TRHDE: variants seen among roughly 807,000 people sequenced by gnomAD.
TRHDE encodes thyrotropin-releasing hormone-degrading ectoenzyme.
A neutral mutation model predicts 125.7 loss-of-function variants in TRHDE; 72 were observed. The ratio of observed to expected loss-of-function variants is 0.57; its 90% CI spans 0.47 to 0.70. The LOEUF is 0.70. Among genes scored for constraint, TRHDE ranks in the 30% least tolerant of loss-of-function variants. The pLI, the probability that TRHDE is intolerant of heterozygous loss-of-function variation, is 0.00. For missense variants in TRHDE, 1,110 were observed against 1,327.1 expected, an observed-to-expected ratio of 0.84 and a Z score of 2.54; for synonymous variants, 509 against 509.1, an observed-to-expected ratio of 1.00 and a Z score of 0.00.
chr12:72,555,400 A>G (rs1341574227), intron 7 of TRHDE, among the ~76,000 whole-genome samples: 1 of 152,062 alleles, frequency 6.6e-6, no homozygotes, highest in Admixed American at 6.6e-5. Flanking sequence ...CTATACCTCA[A>G]AAAGTTTAGT....
chr12:72,378,432 T>A (rs1321061557), intron 3 of TRHDE, among the ~76,000 whole-genome samples: 2 of 152,108 alleles, frequency 1.3e-5, no homozygotes, highest in Non-Finnish European at 2.9e-5. Flanking sequence ...ATTTAATCAG[T>A]AAAACTACCA....
intron 15 of TRHDE, among the ~76,000 whole-genome samples, chr12:72,626,470 C>T (rs954858472): frequency 6.6e-6 from 1 of 151,866 alleles, no homozygotes; most frequent in Non-Finnish European, 1.5e-5. Flanking sequence ...AATGCTCAAT[C>T]TACCCTCTAT....
At chr12:72,637,372 C>T (rs956035349) in intron 15 of TRHDE, among the ~76,000 whole-genome samples, 5 of 152,236 alleles carry the variant, frequency 3.3e-5, no homozygotes, top group African/African-American at 1.2e-4. Context: ...TCTTTTATTG[C>T]ATCTATTTGA....
chr12:72,551,540 C>G (rs964184131), intron 7 of TRHDE, among the ~76,000 whole-genome samples: 11 of 152,108 alleles, frequency 7.2e-5, no homozygotes, highest in African/African-American at 2.7e-4. Context: ...CCTGTACCAG[C>G]TTTGCTTAGT....
intron 6 of TRHDE, among the ~76,000 whole-genome samples, chr12:72,511,754 T>C (rs138608571): frequency 3.9e-5 from 6 of 152,324 alleles, no homozygotes; most frequent in African/African-American, 1.2e-4. Flanking sequence ...TATTTTTTCC[T>C]GTGCGAACCT....
chr12:72,264,809 T>C (rs1879027816), intron 2 of TRHDE, among the ~76,000 whole-genome samples: 1 of 151,784 alleles, frequency 6.6e-6, no homozygotes, highest in Non-Finnish European at 1.5e-5. Context: ...AAGTTAGATA[T>C]TAAATCAACT....
intron 5 of TRHDE, among the ~76,000 whole-genome samples, chr12:72,477,820 T>C (rs1394237947): frequency 6.6e-6 from 1 of 152,204 alleles, no homozygotes; most frequent in African/African-American, 2.4e-5. Flanking sequence ...TCATATCCTC[T>C]GTGCATAGTG....
chr12:72,137,453 T>C (rs1198290981), intron 2 of TRHDE: 2 of 152,206 alleles, frequency 1.3e-5, no homozygotes, highest in African/African-American at 2.4e-5. Flanking sequence ...GGTTTGTAAA[T>C]AAGCCCTGTG....
intron 6 of TRHDE, among the ~76,000 whole-genome samples, chr12:72,522,537 T>A (rs1868267527): frequency 6.6e-6 from 1 of 152,200 alleles, no homozygotes; most frequent in Admixed American, 6.5e-5. Context: ...CTAACAGCAA[T>A]GAGTTTTGAT....
At chr12:72,590,897 A>C (rs1169304910) in intron 12 of TRHDE, among the ~76,000 whole-genome samples, 3 of 151,900 alleles carry the variant, frequency 2.0e-5, no homozygotes, top group Non-Finnish European at 2.9e-5. Context: ...CTATCTTTTT[A>C]TTATCTAGAT....
At chr12:72,569,238 T>C (rs555090886) in intron 10 of TRHDE, among the ~76,000 whole-genome samples, 2 of 152,348 alleles carry the variant, frequency 1.3e-5, no homozygotes, top group South Asian at 4.1e-4. Flanking sequence ...CAATTTACTG[T>C]CAGAAAGCTA....
At chr12:72,431,183 T>C (rs36094040) in intron 3 of TRHDE, among the ~76,000 whole-genome samples, 42,137 of 151,970 alleles carry the variant, frequency 0.28, 7,407 homozygotes, top group Non-Finnish European at 0.4. Flanking sequence ...GTTTAGTTTA[T>C]TTTAATAGTA....
chr12:72,465,454 A>G (rs563735924), intron 3 of TRHDE, among the ~76,000 whole-genome samples: 2 of 152,312 alleles, frequency 1.3e-5, no homozygotes, highest in East Asian at 3.9e-4. Context: ...TTTTACATAA[A>G]TGGCATGAAT....
At chr12:72,236,409 A>G (rs1208630461) in intron 2 of TRHDE, among the ~76,000 whole-genome samples, 1 of 152,224 alleles carries the variant, frequency 6.6e-6, no homozygotes, top group Non-Finnish European at 1.5e-5. Flanking sequence ...TTTTATTTGC[A>G]GGAACTTGAA....
chr12:72,132,269 A>C (rs1364593863), intron 2 of TRHDE, among the ~76,000 whole-genome samples: 3 of 152,180 alleles, frequency 2.0e-5, no homozygotes, highest in Admixed American at 2.0e-4. Context: ...CTAGTAGTTA[A>C]CAGCACTTGA....
intron 2 of TRHDE, among the ~76,000 whole-genome samples, chr12:72,108,207 A>G (rs1189729290): frequency 6.6e-6 from 1 of 152,120 alleles, no homozygotes; most frequent in Non-Finnish European, 1.5e-5. Flanking sequence ...TGTTGATTGT[A>G]GGGCAGCAAA....
chr12:72,191,454 T>G (rs532224012), intron 2 of TRHDE, among the ~76,000 whole-genome samples: 4 of 152,340 alleles, frequency 2.6e-5, no homozygotes, highest in Non-Finnish European at 4.4e-5. Context: ...CATGTTTGTT[T>G]CAGTTAGTAA....
At chr12:72,400,612 A>G (rs1873001470) in intron 3 of TRHDE, among the ~76,000 whole-genome samples, 1 of 152,196 alleles carries the variant, frequency 6.6e-6, no homozygotes, top group Non-Finnish European at 1.5e-5. Flanking sequence ...ATTACCATGT[A>G]TTTATAAGTA....
chr12:72,500,443 G>A (rs1382366555), intron 6 of TRHDE, among the ~76,000 whole-genome samples: 2 of 152,072 alleles, frequency 1.3e-5, no homozygotes, highest in African/African-American at 2.4e-5. Context: ...CCAGGCTGGA[G>A]TGCAGTGACG....
Sources: allele counts gnomAD v4.1 joint callset (sites outside exome capture counted in the v4.1 genomes callset), GRCh38; gene constraint gnomAD v4.1.1; transcripts MANE v1.5; gene names NCBI Gene and HGNC (gene_info 2026-07-23, HGNC 2026-07-21).